The following PCDHA3 variants were observed in gnomAD, a reference collection of about 807,000 sequenced individuals.
PCDHA3 encodes protocadherin alpha-3.
Under a neutral mutation model 62.2 loss-of-function variants are expected in PCDHA3, and 41 were observed. That is an observed-to-expected ratio of 0.66 (90% CI 0.51 to 0.86). PCDHA3 has a LOEUF of 0.86. PCDHA3 is among the 40% of genes least tolerant of loss of function. The pLI, the probability that PCDHA3 is intolerant of heterozygous loss-of-function variation, is 0.00. For missense variants in PCDHA3, 1,304 were observed against 1,241.2 expected, an observed-to-expected ratio of 1.05 and a Z score of -0.76; for synonymous variants, 640 against 555.4, an observed-to-expected ratio of 1.15 and a Z score of -2.14.
chr5:140,990,998 T>C (rs994699186), intron 3 of PCDHA3, among the ~76,000 whole-genome samples: 1 of 152,216 alleles, frequency 6.6e-6, no homozygotes, highest in Non-Finnish European at 1.5e-5. Flanking sequence ...CTACCATTTA[T>C]TGAGAACTGT....
chr5:140,853,230 G>T, intron 1 of PCDHA3: 1 of 982,608 alleles, frequency 1.0e-6, no homozygotes. Flanking sequence ...TGGTAATTTA[G>T]TCCTTCATAT....
rs113635864 is a variant in PCDHA3 at position 140,947,396 on chromosome 5, A to T, written c.2395-31553A>T. On this transcript the variant is annotated intron_variant, in intron 1 of 3. Coordinates refer to ENST00000522353, the MANE Select transcript of PCDHA3 (RefSeq NM_018906.3). ...ATATGTTTATCCTTTCACTAAAAGT[A>T]GACTGTCTTGATATTGTAGCTTTAT... Among the ~76,000 whole-genome samples the T allele has an allele frequency of 7.1e-3, 1,081 of 151,828 alleles. 11 individuals are homozygous for T. The highest frequency in any genetic ancestry group is 0.025 in the African/African-American group (1,045 of 41,538).
intron 1 of PCDHA3, chr5:140,809,232 C>A: frequency 2.5e-6 from 4 of 1,614,062 alleles, no homozygotes; most frequent in Non-Finnish European, 3.4e-6. Flanking sequence ...TCCTCACGGG[C>A]GTTGGTGGGC....
At chr5:140,994,163 G>A (rs2097601451) in intron 3 of PCDHA3, among the ~76,000 whole-genome samples, 1 of 152,200 alleles carries the variant, frequency 6.6e-6, no homozygotes, top group African/African-American at 2.4e-5. Flanking sequence ...CAACGAAGGG[G>A]AAGGAAGCTG....
intron 3 of PCDHA3, among the ~76,000 whole-genome samples, chr5:140,998,786 A>G (rs1210415944): frequency 1.3e-5 from 2 of 152,026 alleles, no homozygotes; most frequent in African/African-American, 4.8e-5. Flanking sequence ...CTGGTCTGGA[A>G]CCCCTGACCT....
intron 1 of PCDHA3, chr5:140,853,906 C>G: frequency 1.0e-6 from 1 of 955,174 alleles, no homozygotes; most frequent in Non-Finnish European, 1.3e-6. Flanking sequence ...GGTGGCCTGA[C>G]ACCTGCAATC....
chr5:140,829,569 C>G (rs2150170274), intron 1 of PCDHA3: 1 of 1,612,602 alleles, frequency 6.2e-7, no homozygotes, highest in East Asian at 2.2e-5. Context: ...GTGTCCTACT[C>G]GCTGGTGGAG....
At position 140,812,160 on chromosome 5, in the gene PCDHA3, T is replaced by TTGTTGTTGTTGTTGC. The variant is rs1200150321; in HGVS notation, c.2394+8573_2394+8574insGTTGTTGTTGCTGTT. The TTGTTGTTGTTGTTGC allele has an allele frequency of 2.6e-5, 4 of 152,188 alleles. No homozygotes were observed. In the East Asian group the frequency reaches 7.7e-4, roughly 29 times the overall value. The allele number at this position is 152,188 out of a possible 1,614,324, so 9.4% of individuals were successfully genotyped here. A position where few individuals can be genotyped will look rare whatever the true frequency, so the allele number is the denominator to read the frequency against. ...TGGTTTTGGGCTTTTGTTGTTGTTG[T>TTGTTGTTGTTGTTGC]TGTTAGGAGGTTTGGATTACTGATT... On this transcript the variant is annotated intron_variant, in intron 1 of 3. Coordinates refer to ENST00000522353, the MANE Select transcript of PCDHA3 (RefSeq NM_018906.3).
At chr5:140,958,692 T>C (rs2095438296) in intron 1 of PCDHA3, among the ~76,000 whole-genome samples, 2 of 152,190 alleles carry the variant, frequency 1.3e-5, no homozygotes, top group African/African-American at 4.8e-5. Flanking sequence ...TTGAATATCC[T>C]AGAGTGACAA....
chr5:140,843,457 G>A, intron 1 of PCDHA3: 1 of 1,596,058 alleles, frequency 6.3e-7, no homozygotes, highest in South Asian at 1.1e-5. Flanking sequence ...GCCTGCTGGT[G>A]CTCACGCTGC....
chr5:140,956,749 G>A (rs1179471294), intron 1 of PCDHA3, among the ~76,000 whole-genome samples: 5 of 152,144 alleles, frequency 3.3e-5, no homozygotes, highest in African/African-American at 1.2e-4. Context: ...ACCTCTGATA[G>A]AATTCAGCTG....
At position 140,801,700 on chromosome 5, in the gene PCDHA3, T is replaced by C; in HGVS notation, c.503T>C (p.Leu168Ser). 1 of 1,614,224 alleles carries C rather than the reference T, an allele frequency of 6.2e-7. No homozygotes were observed. ...SDADIGTNSL[L>S]TYSLDSTEYF... ...GCAGATATCGGAACAAATTCGTTGTTGACTTACAGTCTTGATTCCACTGAA... is the reference window on the plus strand; with the variant it reads ...GCAGATATCGGAACAAATTCGTTGTCGACTTACAGTCTTGATTCCACTGAA... Residue 168 changes from leucine (L) to serine (S), a missense_variant, in exon 1 of 4, where the codon TTG becomes TCG. Physicochemically the swap from Leu to Ser is moderately radical, Grantham distance 145 (BLOSUM62 -2). Coordinates refer to ENST00000522353, the MANE Select transcript of PCDHA3 (RefSeq NM_018906.3).
rs781965106 is a variant in PCDHA3 at position 140,882,419 on chromosome 5, G to A, written c.2394+78828G>A. 8.7e-6 allele frequency: 14 copies of A among 1,613,992 alleles called. No homozygotes were observed. The African/African-American group carries it at 1.5e-4, about 17-fold the overall frequency. ...CACCTTCGTGGGCCGCATCGCTCAG[G>A]ACCTGGGGCTGGAGCTGGCGGAGCT... On this transcript the variant is annotated intron_variant, in intron 1 of 3. Transcript: ENST00000522353.
intron 1 of PCDHA3, chr5:140,870,228 C>T: frequency 6.2e-7 from 1 of 1,614,186 alleles, no homozygotes; most frequent in South Asian, 1.1e-5. Context: ...GCGTGTCTGA[C>T]CGTGACTCAG....
At chr5:140,990,288 C>T (rs537252814) in intron 3 of PCDHA3, among the ~76,000 whole-genome samples, 1 of 152,226 alleles carries the variant, frequency 6.6e-6, no homozygotes, top group South Asian at 2.1e-4. Context: ...TTGAGATTAT[C>T]GATGCCATTG....
intron 1 of PCDHA3, chr5:140,850,366 T>A (rs1226004214): frequency 1.3e-6 from 2 of 1,597,368 alleles, no homozygotes; most frequent in Non-Finnish European, 1.7e-6. Context: ...CCGTTCCGCG[T>A]GGGGCTGTAC....
chr5:140,834,721 C>T (rs2150224932), intron 1 of PCDHA3: 2 of 1,614,104 alleles, frequency 1.2e-6, no homozygotes, highest in African/African-American at 2.7e-5. Flanking sequence ...GTGGAAAGGC[C>T]GCTGCAGGTT....
chr5:140,814,959 A>G, intron 1 of PCDHA3: 1 of 152,090 alleles, frequency 6.6e-6, no homozygotes, highest in East Asian at 1.9e-4. Flanking sequence ...GTCTCTTATG[A>G]CACTTTTTGA....
intron 1 of PCDHA3, chr5:140,812,166 G>A (rs1053097771): frequency 1.7e-5 from 1 of 59,462 alleles, no homozygotes; most frequent in African/African-American, 9.4e-5. Flanking sequence ...GTTGTTGTTA[G>A]GAGGTTTGGA....
Sources: gnomAD v4.1 joint callset for allele counts (sites outside exome capture counted in the v4.1 genomes callset) on GRCh38, gnomAD v4.1.1 for gene constraint, MANE v1.5 for transcripts, NCBI Gene and HGNC (gene_info 2026-07-23, HGNC 2026-07-21) for gene names.